The following RABGAP1L variants were observed in gnomAD, a reference collection of about 807,000 sequenced individuals.
RABGAP1L encodes rab GTPase-activating protein 1-like.
A neutral mutation model predicts 137.7 loss-of-function variants in RABGAP1L; 63 were observed. The observed-to-expected ratio is 0.46, with a 90% CI of 0.37 to 0.56. The LOEUF is 0.56. Ranked by LOEUF, RABGAP1L falls within the 20% of genes least tolerant of loss-of-function variation. The probability of loss-of-function intolerance (pLI) is 0.00; values close to 1 mark genes in which losing one functional copy is unlikely to be tolerated. For missense variants in RABGAP1L, 1,095 were observed against 1,244.0 expected (o/e 0.88, Z 1.80); for synonymous variants, 431 against 433.7 (o/e 0.99, Z 0.08).
chr1:174,654,737 T>C (rs376541384), intron 14 of RABGAP1L, among the ~76,000 whole-genome samples: 49 of 152,322 alleles, frequency 3.2e-4, no homozygotes, highest in African/African-American at 1.1e-3. Flanking sequence ...CTTTGCAATG[T>C]TACATAAAAG....
intron 13 of RABGAP1L, among the ~76,000 whole-genome samples, chr1:174,546,336 T>A (rs1290796283): frequency 6.6e-6 from 1 of 152,226 alleles, no homozygotes; most frequent in Non-Finnish European, 1.5e-5. Context: ...TACAGGTTGA[T>A]AGTAGTGTAT....
chr1:174,251,903 T>C (rs1253065989), intron 6 of RABGAP1L, among the ~76,000 whole-genome samples: 2 of 151,938 alleles, frequency 1.3e-5, no homozygotes, highest in Non-Finnish European at 2.9e-5. Context: ...TGTCATTTTT[T>C]TTTTTTTTTT....
chr1:174,330,241 A>G (rs547009127), intron 11 of RABGAP1L, among the ~76,000 whole-genome samples: 8 of 151,852 alleles, frequency 5.3e-5, no homozygotes, highest in Non-Finnish European at 1.0e-4. Context: ...AATCAGTAGC[A>G]TTTCTATACA....
intron 1 of RABGAP1L, among the ~76,000 whole-genome samples, chr1:174,214,805 A>T (rs1404566241): frequency 5.3e-5 from 8 of 152,278 alleles, no homozygotes; most frequent in Admixed American, 4.6e-4. Context: ...ATGAAACTGG[A>T]CCCCTGTATC....
chr1:174,226,520 CT>C (rs142074316), intron 3 of RABGAP1L, among the ~76,000 whole-genome samples: 2,708 of 152,188 alleles, frequency 0.018, 72 homozygotes, highest in African/African-American at 0.062. Context: ...AGGCTTATCA[CT>C]TCAATTTCAC....
In RABGAP1L at chr1:174,325,934, C is replaced by T. The variant is rs991889328; in HGVS notation, c.1465+20807C>T. 7.9e-5 allele frequency among the ~76,000 whole-genome samples: 12 copies of T among 152,330 alleles called. No individual in the cohort carries two copies. In the East Asian group the frequency reaches 2.3e-3, roughly 29 times the overall value. ...TGGCTCTCCCACATGGCCTAGGGGCCCTTCAGGGACCTTCCGTGGGTCTAT... is the reference window on the plus strand; with the variant it reads ...TGGCTCTCCCACATGGCCTAGGGGCTCTTCAGGGACCTTCCGTGGGTCTAT... On this transcript the variant is annotated intron_variant, in intron 11 of 25. Coordinates refer to ENST00000681986, the MANE Select transcript of RABGAP1L (RefSeq NM_001366446.1).
At chr1:174,513,208 GCAT>G (rs1443986637) in intron 13 of RABGAP1L, among the ~76,000 whole-genome samples, 1 of 151,958 alleles carries the variant, frequency 6.6e-6, no homozygotes, top group Non-Finnish European at 1.5e-5. Flanking sequence ...TGATTCTATA[GCAT>G]CACTCAATAT....
At chr1:174,687,028 A>G (rs1354889069) in intron 15 of RABGAP1L, among the ~76,000 whole-genome samples, 1 of 152,002 alleles carries the variant, frequency 6.6e-6, no homozygotes, top group Non-Finnish European at 1.5e-5. Context: ...ATATTATAAT[A>G]TATTTATTAA....
chr1:174,505,546 T>C (rs1270314350), intron 13 of RABGAP1L, among the ~76,000 whole-genome samples: 1 of 151,942 alleles, frequency 6.6e-6, no homozygotes, highest in African/African-American at 2.4e-5. Flanking sequence ...GGAAGTTGTA[T>C]ACTAAAAAAT....
intron 13 of RABGAP1L, among the ~76,000 whole-genome samples, chr1:174,576,339 A>G (rs1478421496): frequency 1.3e-5 from 2 of 151,964 alleles, no homozygotes; most frequent in Non-Finnish European, 2.9e-5. Flanking sequence ...CAAGGGTCAC[A>G]TTCCCTCATG....
At chr1:174,314,164 C>A (rs1008460321) in intron 11 of RABGAP1L, among the ~76,000 whole-genome samples, 19 of 152,008 alleles carry the variant, frequency 1.2e-4, no homozygotes, top group African/African-American at 3.4e-4. Flanking sequence ...TGGGAGACTT[C>A]TTATTATTGC....
chr1:174,811,990 G>T (rs201103847), intron 19 of RABGAP1L, 30 bp downstream of exon 19: 69 of 1,554,142 alleles, frequency 4.4e-5, no homozygotes, highest in Non-Finnish European at 5.9e-5. Context: ...TATAATAAAG[G>T]TAAAATATGA....
At chr1:174,265,118 T>C (rs1450597349) in intron 7 of RABGAP1L, among the ~76,000 whole-genome samples, 1 of 152,190 alleles carries the variant, frequency 6.6e-6, no homozygotes, top group Non-Finnish European at 1.5e-5. Context: ...AGATATTCCT[T>C]TTCTTTATGC....
At chr1:174,211,008 A>G (rs1409029753) in intron 1 of RABGAP1L, among the ~76,000 whole-genome samples, 1 of 152,210 alleles carries the variant, frequency 6.6e-6, no homozygotes, top group Non-Finnish European at 1.5e-5. Flanking sequence ...TCCTTTAAAC[A>G]TGAAGGAGAA....
chr1:174,922,765 T>A (rs546532361), intron 19 of RABGAP1L, among the ~76,000 whole-genome samples: 1 of 152,228 alleles, frequency 6.6e-6, no homozygotes. Context: ...TGGTTAAAAG[T>A]GTGGGCTCTG....
intron 18 of RABGAP1L, among the ~76,000 whole-genome samples, chr1:174,807,407 A>T (rs1754355): frequency 6.6e-6 from 1 of 152,046 alleles, no homozygotes; most frequent in African/African-American, 2.4e-5. Context: ...GAAACATCCA[A>T]ATCTTTGCAG....
At chr1:174,698,449 C>T (rs1557994943) in intron 15 of RABGAP1L, among the ~76,000 whole-genome samples, 1 of 152,142 alleles carries the variant, frequency 6.6e-6, no homozygotes. Context: ...GATAGTCTCA[C>T]GCTATTTACC....
At chr1:174,161,993 G>T (rs1040068071) in intron 1 of RABGAP1L, among the ~76,000 whole-genome samples, 1 of 150,956 alleles carries the variant, frequency 6.6e-6, no homozygotes, top group Non-Finnish European at 1.5e-5. Context: ...TCAGCCTCTC[G>T]AAGTGCTGGG....
intron 13 of RABGAP1L, among the ~76,000 whole-genome samples, chr1:174,453,827 C>T (rs1374994019): frequency 6.6e-6 from 1 of 152,016 alleles, no homozygotes; most frequent in Non-Finnish European, 1.5e-5. Flanking sequence ...ATATTCATAA[C>T]TTTTTTCAAT....
Sources: allele counts gnomAD v4.1 joint callset (sites outside exome capture counted in the v4.1 genomes callset), GRCh38; gene constraint gnomAD v4.1.1; transcripts MANE v1.5; gene names NCBI Gene and HGNC (gene_info 2026-07-23, HGNC 2026-07-21).